Variants in GRIN3A observed in about 807,000 individuals in gnomAD.
The protein encoded by GRIN3A is glutamate ionotropic receptor NMDA type subunit 3A.
A neutral mutation model predicts 92.4 loss-of-function variants in GRIN3A; 47 were observed. That is an observed-to-expected ratio of 0.51 (90% confidence interval 0.40 to 0.65). The LOEUF (loss-of-function observed/expected upper bound fraction) is 0.65, where lower values mean the gene tolerates loss of function less well. Among genes scored for constraint, GRIN3A ranks in the 30% least tolerant of loss-of-function variants. GRIN3A has a pLI of 0.00. For missense variants in GRIN3A, 1,324 were observed against 1,393.1 expected (o/e 0.95, Z 0.79); for synonymous variants, 527 against 540.6 (o/e 0.97, Z 0.35).
chr9:101,737,227 G>A, intron 1 of GRIN3A, 54 bp downstream of exon 1: 1 of 1,468,534 alleles, frequency 6.8e-7, no homozygotes, highest in Non-Finnish European at 9.5e-7. Flanking sequence ...CTCATGCAAT[G>A]GCCCCGGCCC....
intron 3 of GRIN3A, among the ~76,000 whole-genome samples, chr9:101,648,181 A>G (rs1313878280): frequency 3.3e-5 from 5 of 151,926 alleles, no homozygotes; most frequent in Admixed American, 2.6e-4. Context: ...TGTTAGTCTC[A>G]AGGAATTTTT....
intron 6 of GRIN3A, among the ~76,000 whole-genome samples, chr9:101,587,164 G>T (rs1279281752): frequency 6.6e-6 from 1 of 152,070 alleles, no homozygotes; most frequent in Non-Finnish European, 1.5e-5. Flanking sequence ...ACAAAAATTA[G>T]TCAGGCATGG....
chr9:101,683,977 T>C (rs550586352), intron 2 of GRIN3A, among the ~76,000 whole-genome samples: 1 of 152,314 alleles, frequency 6.6e-6, no homozygotes, highest in South Asian at 2.1e-4. Flanking sequence ...CCATTTCTTC[T>C]ACAGCAACAG....
At position 101,670,154 on chromosome 9, in the gene GRIN3A, C is replaced by T; in HGVS notation, c.2258G>A (p.Cys753Tyr). Reference protein sequence around the residue: ...RFLMNLWAIFCMFCLSTYTAN... With the variant: ...RFLMNLWAIFYMFCLSTYTAN... ...CGTGTATGTGGAAAGGCAAAACATACAGAAAATGGCCCAAAGGTTCATTAG... is the reference window on the plus strand; with the variant it reads ...CGTGTATGTGGAAAGGCAAAACATATAGAAAATGGCCCAAAGGTTCATTAG... The change falls in exon 3 of 9, where the codon TGT becomes TAT. Residue 753 changes from cysteine (C) to tyrosine (Y), a missense_variant. Cys to Tyr is a radical substitution (Grantham distance 194). Transcript: ENST00000361820. 1 of 1,613,708 alleles carries T rather than the reference C, an allele frequency of 6.2e-7. No individual in the cohort carries two copies.
chr9:101,720,668 C>A (rs1375638804), intron 1 of GRIN3A, among the ~76,000 whole-genome samples: 1 of 152,130 alleles, frequency 6.6e-6, no homozygotes, highest in Non-Finnish European at 1.5e-5. Flanking sequence ...AATTCATCTG[C>A]AAATTGTGAC....
chr9:101,674,224 T>TG (rs1372831664), intron 2 of GRIN3A, among the ~76,000 whole-genome samples: 3 of 152,046 alleles, frequency 2.0e-5, no homozygotes, highest in Admixed American at 1.3e-4. Context: ...GGAATTTGTC[T>TG]GGGGGGAGTC....
intron 6 of GRIN3A, among the ~76,000 whole-genome samples, chr9:101,588,485 A>G (rs1481453186): frequency 1.3e-5 from 2 of 151,948 alleles, no homozygotes; most frequent in Admixed American, 1.3e-4. Flanking sequence ...TTGAGCCCCC[A>G]TTTCTTTTAA....
At chr9:101,578,031 T>A (rs1827848120) in intron 7 of GRIN3A, among the ~76,000 whole-genome samples, 187 bp from the exon 8 acceptor site, 1 of 152,200 alleles carries the variant, frequency 6.6e-6, no homozygotes, top group Admixed American at 6.5e-5. Flanking sequence ...AAATTCTAAT[T>A]AGAGGTTATT....
chr9:101,622,309 A>C (rs1828568178), intron 5 of GRIN3A, among the ~76,000 whole-genome samples: 1 of 152,214 alleles, frequency 6.6e-6, no homozygotes, highest in Non-Finnish European at 1.5e-5. Context: ...TGGAAATAGC[A>C]GTTGGGCACC....
chr9:101,639,595 A>T (rs1828829159), intron 3 of GRIN3A, among the ~76,000 whole-genome samples: 2 of 152,236 alleles, frequency 1.3e-5, no homozygotes, highest in African/African-American at 4.8e-5. Context: ...AATGAATAAA[A>T]ACAGCTATAA....
intron 1 of GRIN3A, among the ~76,000 whole-genome samples, chr9:101,726,511 C>G (rs939333577): frequency 6.6e-6 from 1 of 152,132 alleles, no homozygotes; most frequent in Non-Finnish European, 1.5e-5. Flanking sequence ...CACAAATTCC[C>G]TGCTTTTGAG....
At chr9:101,617,800 C>T (rs1828485645) in intron 5 of GRIN3A, among the ~76,000 whole-genome samples, 1 of 140,622 alleles carries the variant, frequency 7.1e-6, no homozygotes, top group African/African-American at 2.7e-5. Flanking sequence ...CTCCCCCCTC[C>T]CCCAACCCCA....
At chr9:101,714,216 G>C (rs947765079) in intron 1 of GRIN3A, among the ~76,000 whole-genome samples, 1 of 152,092 alleles carries the variant, frequency 6.6e-6, no homozygotes, top group African/African-American at 2.4e-5. Context: ...TAACAAGCAG[G>C]ATAATTTGAT....
chr9:101,685,278 C>A (rs572488595), intron 2 of GRIN3A, among the ~76,000 whole-genome samples: 1 of 146,626 alleles, frequency 6.8e-6, no homozygotes, highest in East Asian at 2.0e-4. Context: ...AAATGTACAA[C>A]TATTTGCACC....
chr9:101,710,660 A>G (rs994759554), intron 1 of GRIN3A, among the ~76,000 whole-genome samples: 10 of 152,342 alleles, frequency 6.6e-5, no homozygotes, highest in Admixed American at 5.9e-4. Flanking sequence ...GACGACTGAG[A>G]AAAGTCAACC....
At chr9:101,603,797 C>T (rs968437280) in intron 6 of GRIN3A, among the ~76,000 whole-genome samples, 4 of 152,162 alleles carry the variant, frequency 2.6e-5, no homozygotes, top group Non-Finnish European at 4.4e-5. Context: ...GCAGTGTCTT[C>T]GAAGGGCAAG....
At chr9:101,628,780 TA>T (rs1828673088) in intron 3 of GRIN3A, among the ~76,000 whole-genome samples, 1 of 152,218 alleles carries the variant, frequency 6.6e-6, no homozygotes, top group Non-Finnish European at 1.5e-5. Flanking sequence ...TAGAATAACA[TA>T]AAGGCCAAGT....
At chr9:101,635,003 AT>A (rs1401657822) in intron 3 of GRIN3A, among the ~76,000 whole-genome samples, 4 of 152,208 alleles carry the variant, frequency 2.6e-5, no homozygotes, top group Non-Finnish European at 4.4e-5. Context: ...TCTAATGTGA[AT>A]TACTAAGTAC....
At chr9:101,613,903 A>T (rs1828404197) in intron 5 of GRIN3A, among the ~76,000 whole-genome samples, 1 of 152,168 alleles carries the variant, frequency 6.6e-6, no homozygotes, top group Admixed American at 6.5e-5. Context: ...ACAAAATCAG[A>T]TTAATCTTAG....
Sources: allele counts gnomAD v4.1 joint callset (sites outside exome capture counted in the v4.1 genomes callset), GRCh38; gene constraint gnomAD v4.1.1; transcripts MANE v1.5; gene names NCBI Gene and HGNC (gene_info 2026-07-23, HGNC 2026-07-21).